The following MRTFB variants were observed in gnomAD, a reference collection of about 807,000 sequenced individuals.
MRTFB encodes myocardin related transcription factor B.
In MRTFB, 29 loss-of-function variants were observed where a neutral mutation model predicts 104.2. That is an observed-to-expected ratio of 0.28 (90% confidence interval 0.21 to 0.38). MRTFB has a LOEUF of 0.38. Ranked by LOEUF, MRTFB falls within the 10% of genes least tolerant of loss-of-function variation. MRTFB has a pLI of 1.00. For missense variants in MRTFB, 1,270 were observed against 1,341.6 expected (o/e 0.95, Z 0.83); for synonymous variants, 535 against 519.5 (o/e 1.03, Z -0.41).
chr16:14,143,831 T>C (rs1567378431), intron 3 of MRTFB: 1 of 152,252 alleles, frequency 6.6e-6, no homozygotes, highest in Non-Finnish European at 1.5e-5. Flanking sequence ...TTGGCTTTTT[T>C]TAAGCAGATA....
chr16:14,060,408 T>G, the MRTFB span, among the ~76,000 whole-genome samples: 8 of 152,146 alleles, frequency 5.3e-5, no homozygotes, highest in African/African-American at 1.9e-4. Flanking sequence ...CACATCTATT[T>G]TTATTACAGG....
rs2042784798 is a variant in MRTFB, at chr16:14,241,963, C to CTAA, written c.1079+1479_1079+1480insTAA. Among the ~76,000 whole-genome samples, 7 of 110,532 alleles carry CTAA rather than the reference C, an allele frequency of 6.3e-5. No individual in the cohort carries two copies. The East Asian group carries it at 1.4e-3, about 22-fold the overall frequency. The allele number at this position is 110,532 out of a possible 152,430, so 72.5% of individuals were successfully genotyped here. ...TGCCATCCTCCTTTGGCATTGGGCACCAATAATAATAATAATAATAATAAT... is the reference window on the plus strand; with the variant it reads ...TGCCATCCTCCTTTGGCATTGGGCACTAACAATAATAATAATAATAATAATAAT... On this transcript the variant is annotated intron_variant, in intron 10 of 16. Coordinates refer to ENST00000571589, the MANE Select transcript of MRTFB (RefSeq NM_001308142.2).
intron 8 of MRTFB, among the ~76,000 whole-genome samples, chr16:14,220,588 A>G (rs1354330974): frequency 6.6e-6 from 1 of 152,262 alleles, no homozygotes; most frequent in Non-Finnish European, 1.5e-5. Context: ...CTGACATTCC[A>G]GAATTCCTTG....
chr16:14,252,120 G>A, intron 14 of MRTFB, 97 bp downstream of exon 14: 1 of 1,377,432 alleles, frequency 7.3e-7, no homozygotes, highest in Non-Finnish European at 9.9e-7. Context: ...TAATGTTAAT[G>A]GGATAAAATT....
intron 3 of MRTFB, among the ~76,000 whole-genome samples, chr16:14,201,803 A>G (rs929399979): frequency 6.6e-6 from 1 of 152,132 alleles, no homozygotes; most frequent in Non-Finnish European, 1.5e-5. Flanking sequence ...AAGACATTTT[A>G]TTTTCTGAAT....
chr16:14,245,730 C>G, intron 11 of MRTFB, 70 bp downstream of exon 11: 2 of 1,523,176 alleles, frequency 1.3e-6, no homozygotes, highest in Non-Finnish European at 1.8e-6. Context: ...CCAGCGTTGT[C>G]TAGCAGACAT....
chr16:14,137,832 T>A (rs1461788609), intron 2 of MRTFB, among the ~76,000 whole-genome samples: 1 of 151,666 alleles, frequency 6.6e-6, no homozygotes, highest in Non-Finnish European at 1.5e-5. Flanking sequence ...TATAGACTTT[T>A]AAAAATTTAT....
intron 3 of MRTFB, among the ~76,000 whole-genome samples, chr16:14,194,553 T>C (rs565849019): frequency 2.6e-5 from 4 of 152,330 alleles, no homozygotes; most frequent in South Asian, 2.1e-4. Context: ...TGAATTCTTA[T>C]TGATGTAAGA....
chr16:14,049,060 C>T, the MRTFB span, among the ~76,000 whole-genome samples: 2 of 152,092 alleles, frequency 1.3e-5, no homozygotes, highest in African/African-American at 4.8e-5. Context: ...CATGTTTGGC[C>T]GTCACAACCA....
the MRTFB span, among the ~76,000 whole-genome samples, chr16:14,059,492 A>C: frequency 9.9e-5 from 15 of 152,142 alleles, no homozygotes; most frequent in African/African-American, 3.6e-4. Flanking sequence ...TGCTAGTCAG[A>C]TGACCCAAGG....
chr16:14,043,073 CTG>C, the MRTFB span, among the ~76,000 whole-genome samples: 3 of 152,180 alleles, frequency 2.0e-5, no homozygotes, highest in Non-Finnish European at 4.4e-5. Flanking sequence ...CTTCTGGAGA[CTG>C]TGGGGCTCCT....
the MRTFB span, among the ~76,000 whole-genome samples, chr16:14,060,578 G>A: frequency 6.6e-6 from 1 of 152,018 alleles, no homozygotes; most frequent in African/African-American, 2.4e-5. Flanking sequence ...TGTTCATCAC[G>A]AGTGGTCCAT....
chr16:13,999,331 C>A, the MRTFB span, among the ~76,000 whole-genome samples: 3 of 151,886 alleles, frequency 2.0e-5, no homozygotes, highest in South Asian at 6.2e-4. Context: ...GGGGACAATG[C>A]CCTTCAGGAA....
intron 3 of MRTFB, 21 bp from the exon 4 acceptor site, chr16:14,210,222 G>T: frequency 6.2e-7 from 1 of 1,607,292 alleles, no homozygotes; most frequent in East Asian, 2.2e-5. Flanking sequence ...AACTCCAATG[G>T]TGATTATTTC....
chr16:14,085,037 C>T (rs1225925788), intron 2 of MRTFB, among the ~76,000 whole-genome samples: 2 of 152,058 alleles, frequency 1.3e-5, no homozygotes, highest in East Asian at 3.8e-4. Flanking sequence ...CCCAGCTACT[C>T]AGGAGAGTGA....
At chr16:14,009,671 T>C in the MRTFB span, 2 of 152,218 alleles carry the variant, frequency 1.3e-5, no homozygotes, top group East Asian at 3.8e-4. Context: ...CTTTATCTGG[T>C]TGAGGAAGTT....
At chr16:14,207,061 G>T (rs745833294) in intron 3 of MRTFB, among the ~76,000 whole-genome samples, 7 of 152,060 alleles carry the variant, frequency 4.6e-5, no homozygotes, top group Non-Finnish European at 1.0e-4. Flanking sequence ...TACTGCTGCT[G>T]CTCTTTCCCA....
chr16:14,075,690 C>G (rs1054637247), intron 1 of MRTFB, among the ~76,000 whole-genome samples: 1 of 152,214 alleles, frequency 6.6e-6, no homozygotes, highest in East Asian at 1.9e-4. Context: ...TCTGTTCTCT[C>G]TTCTAATTCC....
the MRTFB span, among the ~76,000 whole-genome samples, chr16:14,036,298 A>T: frequency 2.1e-4 from 18 of 84,496 alleles, no homozygotes; most frequent in African/African-American, 6.5e-4. Flanking sequence ...ATATATATTT[A>T]TATATATATA....
Sources: allele counts gnomAD v4.1 joint callset (sites outside exome capture counted in the v4.1 genomes callset), GRCh38; gene constraint gnomAD v4.1.1; transcripts MANE v1.5; gene names NCBI Gene and HGNC (gene_info 2026-07-23, HGNC 2026-07-21).